Variants in NEXN observed in about 807,000 individuals in gnomAD.
The protein encoded by NEXN is nexilin F-actin binding protein, also known as nexilin.
NEXN carries 65 observed loss-of-function variants against 92.6 expected under a neutral mutation model. The observed-to-expected ratio is 0.70, with a 90% confidence interval of 0.57 to 0.86. NEXN has a LOEUF of 0.86. Among genes scored for constraint, NEXN ranks in the 40% least tolerant of loss-of-function variants. The probability of loss-of-function intolerance (pLI) is 0.00; values close to 1 mark genes in which losing one functional copy is unlikely to be tolerated. For synonymous variants in NEXN, 254 were observed against 242.5 expected (o/e 1.05, Z -0.44); for missense variants, 778 against 771.1 (o/e 1.01, Z -0.11).
Position 77,929,452 on chromosome 1 carries a change from G to A in NEXN, c.1001G>A (p.Arg334Lys), listed in dbSNP as rs1650120702. The A allele has an allele frequency of 6.2e-7, 1 of 1,612,554 alleles. No homozygotes were observed. Among genetic ancestry groups the A allele is most frequent in the Non-Finnish European group, 8.5e-7 (1 of 1,178,946 alleles). ...DEKRKAEEEA[R>K]RRIEEEKKAF... ...AAAAGGAAAGCAGAAGAAGAAGCCA[G>A]AAGGAGAATAGAGGAAGAAAAGAAG... is the stretch of plus-strand genomic sequence containing the variant. The change falls in exon 9 of 13, where the codon AGA (arginine) becomes AAA (lysine). Residue 334 changes from arginine (R) to lysine (K), a missense_variant. Arg to Lys is a conservative substitution (Grantham distance 26, BLOSUM62 2). Around this residue, in one of 3 missense-constraint regions of NEXN, gnomAD observed 532 missense variants for 476.7 expected, o/e 1.12. Coordinates refer to ENST00000334785, the MANE Select transcript of NEXN (RefSeq NM_144573.4).
chr1:77,889,769 T>A (rs1479336284), intron 1 of NEXN, among the ~76,000 whole-genome samples: 12 of 152,200 alleles, frequency 7.9e-5, no homozygotes, highest in Admixed American at 7.9e-4. Context: ...AAGAAATTAG[T>A]TCCCTGACCA....
rs1179163117 is a variant in NEXN, at chr1:77,926,609, A to C, written c.685A>C (p.Met229Leu). ...GGAAGCAAAGTGTCTTTCATTAGTT[A>C]TGGTAAATTTTTGTTTGTTTGTTTT... ...LKEAKCLSLV[M>L]DDEIESEAKK... Residue 229 changes from methionine (M) to leucine (L), a missense_variant and splice_region_variant, in exon 7 of 13, where the codon ATG becomes CTG. Coordinates refer to ENST00000334785, the MANE Select transcript of NEXN (RefSeq NM_144573.4). 5 of 1,613,840 alleles carry C rather than the reference A, an allele frequency of 3.1e-6. No individual in the cohort carries two copies. The highest frequency in any genetic ancestry group is 4.2e-6 in the Non-Finnish European group (5 of 1,179,948).
intron 1 of NEXN, among the ~76,000 whole-genome samples, chr1:77,901,031 C>T (rs923544198): frequency 2.0e-5 from 3 of 152,160 alleles, no homozygotes; most frequent in African/African-American, 7.2e-5. Context: ...AAGCCAATCT[C>T]CATTTAGCAT....
At chr1:77,902,635 A>G (rs1425734478) in intron 1 of NEXN, among the ~76,000 whole-genome samples, 4 of 152,218 alleles carry the variant, frequency 2.6e-5, no homozygotes, top group Admixed American at 6.6e-5. Flanking sequence ...ATAATTGTTG[A>G]AGCTTGATAT....
At chr1:77,897,394 A>G (rs1275334226) in intron 1 of NEXN, among the ~76,000 whole-genome samples, 1 of 152,242 alleles carries the variant, frequency 6.6e-6, no homozygotes, top group African/African-American at 2.4e-5. Flanking sequence ...TATAAACAGA[A>G]CCAAAGACAA....
intron 1 of NEXN, chr1:77,889,311 C>G (rs1205270392): frequency 8.5e-6 from 1 of 117,976 alleles, no homozygotes; most frequent in Non-Finnish European, 1.7e-5. Context: ...GCCTATTACT[C>G]CCCCCCCACA....
Position 77,926,617 on chromosome 1 carries a change from T to A in NEXN, c.687+6T>A, listed in dbSNP as rs374820740. On this transcript the variant is annotated splice_donor_region_variant and intron_variant, in intron 7 of 12. Coordinates refer to ENST00000334785, the MANE Select transcript of NEXN (RefSeq NM_144573.4). The stretch of plus-strand genomic sequence containing the variant: ...AGTGTCTTTCATTAGTTATGGTAAA[T>A]TTTTGTTTGTTTGTTTTCTAAGAAA... 4 of 1,613,772 alleles carry A rather than the reference T, an allele frequency of 2.5e-6. No individual in the cohort carries two copies. Among genetic ancestry groups the A allele is most frequent in the African/African-American group, 1.3e-5 (1 of 74,870 alleles).
chr1:77,894,136 T>C (rs563745604), intron 1 of NEXN, among the ~76,000 whole-genome samples: 4 of 152,060 alleles, frequency 2.6e-5, no homozygotes, highest in South Asian at 2.1e-4. Context: ...TTTGTATTTT[T>C]AGTAGAGACG....
In NEXN at chr1:77,927,259, A is replaced by T. The variant is rs556740467; in HGVS notation, c.864+367A>T. 2.8e-4 allele frequency among the ~76,000 whole-genome samples: 42 copies of T among 152,194 alleles called. No homozygotes were observed. In the South Asian group the frequency reaches 8.1e-3, roughly 29 times the overall value. ...CATTGCACTCCAGCCTGGGTAACAG[A>T]ATGAGACTGTCTCAAAAAAAAAAAT... On this transcript the variant is annotated intron_variant, in intron 8 of 12. Transcript: ENST00000334785.
intron 5 of NEXN, among the ~76,000 whole-genome samples, chr1:77,919,948 G>A (rs894898790): frequency 6.6e-6 from 1 of 151,482 alleles, no homozygotes; most frequent in African/African-American, 2.4e-5. Flanking sequence ...CACCCAGGCT[G>A]GAGTGCAGTG....
chr1:77,939,683 C>A (rs1268589245), intron 11 of NEXN, among the ~76,000 whole-genome samples: 1 of 152,066 alleles, frequency 6.6e-6, no homozygotes, highest in Non-Finnish European at 1.5e-5. Context: ...ACTTTTATAC[C>A]CTATCAGAAT....
In NEXN at chr1:77,917,616, T is replaced by C. The variant is rs376535223; in HGVS notation, c.78T>C (p.Leu26=). The C allele has an allele frequency of 2.2e-4, 356 of 1,613,508 alleles. 3 individuals carry two copies. In the South Asian group the frequency reaches 2.4e-3, roughly 11 times the overall value. ...TCCCAAAAACCTATGTACCAAAACT[T>C]GGCAAGGGTGATGTAAAGGATAAGT... is the stretch of plus-strand genomic sequence containing the variant. The part of the protein sequence containing the change: ...KPVPKTYVPK[L]GKGDVKDKFE... Residue 26 remains leucine (L), a synonymous_variant, in exon 3 of 13, where the codon CTT becomes CTC. Coordinates refer to ENST00000334785, the MANE Select transcript of NEXN (RefSeq NM_144573.4).
chr1:77,918,379 T>C lies in NEXN; in HGVS notation c.447+106T>C, dbSNP rs145264765. The C allele has an allele frequency of 6.4e-5, 84 of 1,317,254 alleles. No homozygotes were observed. The African/African-American group carries it at 8.1e-4, about 13-fold the overall frequency. 81.6% of individuals were successfully genotyped at this position (1,317,254 alleles called of 1,614,324 possible). ...AATATTTTAATGTAACATAAACCTATTAAAAAGCAGCTAACCGTCTGGGAA... is the reference window on the plus strand; with the variant it reads ...AATATTTTAATGTAACATAAACCTACTAAAAAGCAGCTAACCGTCTGGGAA... On this transcript the variant is annotated intron_variant, in intron 5 of 12. Transcript: ENST00000334785.
rs776384009 is a variant in NEXN at position 77,942,546 on chromosome 1, C to T, written c.1745C>T (p.Pro582Leu). 6.2e-7 allele frequency: 1 copy of T among 1,613,856 alleles called. No homozygotes were observed. The highest frequency in any genetic ancestry group is 2.2e-5 in the East Asian group (1 of 44,862). ...GAAGAGCAAACCAGATCAGGAGCTCCATGGTTCAAGAAGCCTCTTAAAAAC... is the reference window on the plus strand; with the variant it reads ...GAAGAGCAAACCAGATCAGGAGCTCTATGGTTCAAGAAGCCTCTTAAAAAC... ...EDEEQTRSGA[P>L]WFKKPLKNTS... is the part of the protein sequence containing the mutation. Residue 582 changes from proline (P) to leucine (L), a missense_variant, in exon 13 of 13, where the codon CCA becomes CTA. Pro to Leu is a moderately conservative substitution (Grantham distance 98, BLOSUM62 -3). This residue lies in a region of NEXN where 532 missense variants were observed against 476.7 expected (regional missense o/e 1.12). Transcript: ENST00000334785.
Position 77,918,017 on chromosome 1 carries a change from G to C in NEXN, c.277G>C (p.Ala93Pro), listed in dbSNP as rs1256690084. 1 of 1,613,596 alleles carries C rather than the reference G, an allele frequency of 6.2e-7. No homozygotes were observed. Among genetic ancestry groups the C allele is most frequent in the Non-Finnish European group, 8.5e-7 (1 of 1,179,658 alleles). ...EEDVSSKVEK[A>P]YVPKLTGTVK... ...AGATGTATCTTCTAAAGTAGAAAAGGCTTATGTTCCAAAATTAACAGGTAA... is the reference window on the plus strand; with the variant it reads ...AGATGTATCTTCTAAAGTAGAAAAGCCTTATGTTCCAAAATTAACAGGTAA... Residue 93 changes from alanine (A) to proline (P), a missense_variant, in exon 4 of 13, where the codon GCT becomes CCT. This residue lies in a region of NEXN where 236 missense variants were observed against 265.6 expected (regional missense o/e 0.89). Coordinates refer to ENST00000334785, the MANE Select transcript of NEXN (RefSeq NM_144573.4).
intron 5 of NEXN, among the ~76,000 whole-genome samples, chr1:77,921,559 C>G (rs1301285739): frequency 6.6e-6 from 1 of 152,022 alleles, no homozygotes; most frequent in Admixed American, 6.6e-5. Context: ...ATCCTCCTAC[C>G]TCAGCCTCCT....
At chr1:77,896,189 T>TAAATAAATAAAA (rs1647245665) in intron 1 of NEXN, among the ~76,000 whole-genome samples, 1 of 151,414 alleles carries the variant, frequency 6.6e-6, no homozygotes, top group South Asian at 2.1e-4. Flanking sequence ...AATAAATAAA[T>TAAATAAATAAAA]AAATAAATAA....
chr1:77,942,256 C>A, intron 12 of NEXN, 48 bp downstream of exon 12: 1 of 1,577,828 alleles, frequency 6.3e-7, no homozygotes, highest in Non-Finnish European at 8.7e-7. Context: ...CCTCTTAAAA[C>A]CCATAGTTTT....
At chr1:77,927,416 A>T (rs1649940762) in intron 8 of NEXN, among the ~76,000 whole-genome samples, 1 of 152,192 alleles carries the variant, frequency 6.6e-6, no homozygotes, top group Non-Finnish European at 1.5e-5. Flanking sequence ...TTCATCTGTT[A>T]GTTCAATCTG....
Sources: allele counts gnomAD v4.1 joint callset (sites outside exome capture counted in the v4.1 genomes callset), GRCh38; gene constraint gnomAD v4.1.1; regional missense constraint gnomAD v4.1.1; transcripts MANE v1.5; gene names NCBI Gene and HGNC (gene_info 2026-07-23, HGNC 2026-07-21).